GRID1: variants seen among roughly 807,000 people sequenced by gnomAD.
GRID1 encodes glutamate ionotropic receptor delta type subunit 1, also known as glutamate receptor ionotropic, delta-1.
In GRID1, 28 loss-of-function variants were observed where a neutral mutation model predicts 98.0. That is an observed-to-expected ratio of 0.29 (90% confidence interval 0.21 to 0.39). GRID1 has a LOEUF of 0.39. GRID1 is among the 10% of genes least tolerant of loss of function. The pLI is 1.00. For synonymous variants in GRID1, 553 were observed against 538.5 expected (o/e 1.03, Z -0.37); for missense variants, 1,111 against 1,340.5 (o/e 0.83, Z 2.67).
intron 3 of GRID1, among the ~76,000 whole-genome samples, chr10:86,178,438 T>C (rs1189334018): frequency 6.6e-6 from 1 of 152,082 alleles, no homozygotes; most frequent in Admixed American, 6.6e-5. Flanking sequence ...AGAGGCAACC[T>C]GGCCTGATTT....
chr10:85,936,539 GA>G (rs1055024122), intron 4 of GRID1, among the ~76,000 whole-genome samples: 11 of 151,202 alleles, frequency 7.3e-5, no homozygotes. Flanking sequence ...AAGAAAAAGA[GA>G]AAAAATAGAA....
chr10:85,831,009 T>C (rs891797876), intron 8 of GRID1, among the ~76,000 whole-genome samples: 4 of 152,148 alleles, frequency 2.6e-5, no homozygotes, highest in African/African-American at 9.7e-5. Flanking sequence ...CACATACACA[T>C]GTAGGTTCAC....
At chr10:85,813,934 T>C (rs1476150212) in intron 8 of GRID1, among the ~76,000 whole-genome samples, 3 of 151,914 alleles carry the variant, frequency 2.0e-5, no homozygotes, top group Middle Eastern at 3.4e-3. Context: ...TAATGCTACG[T>C]AAATCCCTTA....
chr10:85,619,900 T>C lies in GRID1; in HGVS notation c.2327A>G (p.His776Arg). The C allele has an allele frequency of 6.2e-7, 1 of 1,614,212 alleles. No homozygotes were observed. The highest frequency in any genetic ancestry group is 8.5e-7 in the Non-Finnish European group (1 of 1,180,016). Reference protein sequence around the residue: ...SSKGYGIALQHGSPYRDLFSQ... With the variant: ...SSKGYGIALQRGSPYRDLFSQ... ...GAAGAGGTCCCTGTAGGGGCTGCCA[T>C]GCTGCAGGGCAATCCCGTAACCCTT... is the stretch of plus-strand genomic sequence containing the variant. Residue 776 changes from histidine to arginine, a missense_variant, in exon 14 of 16, where the codon CAT becomes CGT. Transcript: ENST00000327946.
chr10:85,749,558 T>C (rs1842027176), intron 8 of GRID1, among the ~76,000 whole-genome samples: 1 of 152,202 alleles, frequency 6.6e-6, no homozygotes, highest in African/African-American at 2.4e-5. Context: ...ATACTACTCC[T>C]TCATTTAAAA....
chr10:85,692,427 T>A (rs1468780020), intron 12 of GRID1, among the ~76,000 whole-genome samples: 1 of 151,910 alleles, frequency 6.6e-6, no homozygotes. Flanking sequence ...TTTGGGAGGC[T>A]GAGGTGGGTG....
chr10:86,298,880 C>T (rs1216695979), intron 2 of GRID1, among the ~76,000 whole-genome samples: 2 of 152,218 alleles, frequency 1.3e-5, no homozygotes, highest in Non-Finnish European at 1.5e-5. Flanking sequence ...TTGTTCACCA[C>T]TCACGGATCC....
At chr10:85,895,039 A>G (rs914203434) in intron 5 of GRID1, among the ~76,000 whole-genome samples, 7 of 142,664 alleles carry the variant, frequency 4.9e-5, no homozygotes, top group Non-Finnish European at 7.6e-5. Context: ...ATATATATAT[A>G]TGTAAAATAT....
rs1842581910 is a variant in GRID1 at position 85,601,969 on chromosome 10, G to GA, written c.*303_*304insT. 1 of 287,388 alleles carries GA rather than the reference G, an allele frequency of 3.5e-6. No individual in the cohort carries two copies. Among genetic ancestry groups the GA allele is most frequent in the African/African-American group, 2.2e-5 (1 of 46,204 alleles). 17.8% of individuals were successfully genotyped at this position (287,388 alleles called of 1,614,324 possible). On this transcript the variant is annotated 3_prime_UTR_variant, in exon 16 of 16. Coordinates refer to ENST00000327946, the MANE Select transcript of GRID1 (RefSeq NM_017551.3). ...CTCAGAAAGGCCCAGGAATGGGGGG[G>GA]CTCCTTTGGCACTTCAGAATGATCA...
intron 4 of GRID1, among the ~76,000 whole-genome samples, chr10:85,940,661 A>T (rs1418711765): frequency 2.0e-5 from 3 of 152,184 alleles, no homozygotes; most frequent in African/African-American, 7.2e-5. Context: ...CATCCAATGG[A>T]TTGCTTTAAA....
intron 6 of GRID1, among the ~76,000 whole-genome samples, chr10:85,857,673 C>T (rs758064975): frequency 2.6e-5 from 4 of 152,150 alleles, no homozygotes; most frequent in African/African-American, 7.2e-5. Flanking sequence ...ATTCTCTGAA[C>T]GCCTAAGCAG....
chr10:86,191,398 A>G (rs1845800833), intron 3 of GRID1, among the ~76,000 whole-genome samples: 1 of 152,038 alleles, frequency 6.6e-6, no homozygotes, highest in Admixed American at 6.5e-5. Context: ...GTGGGGTGTG[A>G]CTGGGACACA....
At chr10:86,129,181 T>C (rs1391024155) in intron 4 of GRID1, among the ~76,000 whole-genome samples, 1 of 152,212 alleles carries the variant, frequency 6.6e-6, no homozygotes, top group Non-Finnish European at 1.5e-5. Flanking sequence ...TCTCTGCAGA[T>C]GTGTTGGCCG....
chr10:85,602,470 A>C lies in GRID1; in HGVS notation c.2833T>G (p.Ser945Ala), dbSNP rs1417806710. Reference sequence around the variant, plus strand: ...AGCGGCAGGTTGCTGCTGGGCCCTGATGAGAGTGTCCGGCTGGTGCCATGG... The same window carrying C: ...AGCGGCAGGTTGCTGCTGGGCCCTGCTGAGAGTGTCCGGCTGGTGCCATGG... Reference protein sequence around the residue: ...SSHGTSRTLSSGPSSNLPLPL... With the variant: ...SSHGTSRTLSAGPSSNLPLPL... The change falls in exon 16 of 16, where the codon TCA becomes GCA. Residue 945 changes from serine to alanine, a missense_variant. Coordinates refer to ENST00000327946, the MANE Select transcript of GRID1 (RefSeq NM_017551.3). 2 of 1,614,136 alleles carry C rather than the reference A, an allele frequency of 1.2e-6. No homozygotes were observed. Among genetic ancestry groups the C allele is most frequent in the Non-Finnish European group, 1.7e-6 (2 of 1,180,044 alleles).
intron 8 of GRID1, among the ~76,000 whole-genome samples, chr10:85,782,748 C>CTGCT (rs1234765679): frequency 6.6e-6 from 1 of 152,220 alleles, no homozygotes; most frequent in Admixed American, 6.5e-5. Flanking sequence ...GCCAGGGCAG[C>CTGCT]TGCTGTGGAG....
chr10:86,002,437 T>C (rs1410169407), intron 4 of GRID1, among the ~76,000 whole-genome samples: 1 of 152,206 alleles, frequency 6.6e-6, no homozygotes, highest in Non-Finnish European at 1.5e-5. Flanking sequence ...TGCACCTCTT[T>C]ATGAAGTTTT....
intron 6 of GRID1, among the ~76,000 whole-genome samples, chr10:85,865,963 A>ATATG (rs1564613333): frequency 7.7e-4 from 5 of 6,454 alleles, no homozygotes; most frequent in African/African-American, 1.4e-3. Context: ...ATGGAGAGAG[A>ATATG]GAGAGAGAGA....
At chr10:86,054,021 G>A (rs1264781901) in intron 4 of GRID1, among the ~76,000 whole-genome samples, 2 of 152,048 alleles carry the variant, frequency 1.3e-5, no homozygotes, top group African/African-American at 2.4e-5. Flanking sequence ...GTCTGTAGAT[G>A]GAAAAAAAAC....
intron 13 of GRID1, among the ~76,000 whole-genome samples, chr10:85,623,042 C>A (rs1842875072): frequency 6.6e-6 from 1 of 152,152 alleles, no homozygotes; most frequent in African/African-American, 2.4e-5. Context: ...GCAGGACAGG[C>A]CAGATTCTAG....
Sources: gnomAD v4.1 joint callset for allele counts (sites outside exome capture counted in the v4.1 genomes callset) on GRCh38, gnomAD v4.1.1 for gene constraint, MANE v1.5 for transcripts, NCBI Gene and HGNC (gene_info 2026-07-23, HGNC 2026-07-21) for gene names.